SLC27A5: variants seen among roughly 807,000 people sequenced by gnomAD.
The protein encoded by SLC27A5 is solute carrier family 27 member 5.
A neutral mutation model predicts 63.1 loss-of-function variants in SLC27A5; 47 were observed. The observed-to-expected ratio is 0.74, with a 90% CI of 0.59 to 0.95. The LOEUF is 0.95. SLC27A5 is among the 40% of genes least tolerant of loss of function. SLC27A5 has a pLI of 0.00. For synonymous variants in SLC27A5, 391 were observed against 403.8 expected (o/e 0.97, Z 0.38); for missense variants, 940 against 921.0 (o/e 1.02, Z -0.27).
chr19:58,501,624 C>T lies in SLC27A5; in HGVS notation c.1058-214G>A, dbSNP rs1317920. Reference sequence around the variant, plus strand: ...TGTCTCCAGGATGCCGGGAAAGCTCCGTGCCTGTTATAAAGTGAGCAATGC... The same window carrying T: ...TGTCTCCAGGATGCCGGGAAAGCTCTGTGCCTGTTATAAAGTGAGCAATGC... On this transcript the variant is annotated intron_variant, in intron 3 of 9. Transcript: ENST00000263093. Among the ~76,000 whole-genome samples the T allele has an allele frequency of 2.0e-3, 301 of 152,260 alleles. 2 individuals are homozygous for T. The highest frequency in any genetic ancestry group is 9.4e-3 in the East Asian group (49 of 5,190).
chr19:58,500,504 A>C lies in SLC27A5; in HGVS notation c.1377+8T>G. On this transcript the variant is annotated splice_region_variant and intron_variant, in intron 5 of 9. Coordinates refer to ENST00000263093, the MANE Select transcript of SLC27A5 (RefSeq NM_012254.3). ...GGGCAGCTGCACACCAGGTACCCGC[A>C]CACTCACTCGGAGGAGGCAGCTCAT... 12 of 1,613,846 alleles carry C rather than the reference A, an allele frequency of 7.4e-6. No individual in the cohort carries two copies. Among genetic ancestry groups the C allele is most frequent in the Non-Finnish European group, 8.5e-6 (10 of 1,179,928 alleles).
chr19:58,499,057 A>G, intron 8 of SLC27A5, 66 bp downstream of exon 8: 1 of 1,606,352 alleles, frequency 6.2e-7, no homozygotes, highest in Non-Finnish European at 8.5e-7. Flanking sequence ...CCCCACCTGT[A>G]AAATCAGAAT....
intron 3 of SLC27A5, among the ~76,000 whole-genome samples, chr19:58,502,344 T>A (rs28720103): frequency 1.4e-5 from 2 of 139,214 alleles, no homozygotes; most frequent in Non-Finnish European, 3.1e-5. Context: ...AGTGAGTGAG[T>A]GGATGGATGG....
Position 58,510,784 on chromosome 19 carries a change from C to A in SLC27A5, c.835G>T (p.Asp279Tyr). 1 of 1,613,654 alleles carries A rather than the reference C, an allele frequency of 6.2e-7. No homozygotes were observed. Among genetic ancestry groups the A allele is most frequent in the Non-Finnish European group, 8.5e-7 (1 of 1,179,894 alleles). ...DAAPSHPVPADLRAGITWRSP... is the reference protein window; with the variant it reads ...DAAPSHPVPAYLRAGITWRSP... ...CTCCATGTGATCCCAGCACGCAGGT[C>A]AGCAGGCACTGGGTGGGAGGGCGCT... Residue 279 changes from aspartate to tyrosine, a missense_variant, in exon 2 of 10, where the codon GAC (aspartate) becomes TAC (tyrosine). Transcript: ENST00000263093.
At chr19:58,500,843 G>A (rs947538027) in intron 4 of SLC27A5, 137 bp from the exon 5 acceptor site, 18 of 1,453,112 alleles carry the variant, frequency 1.2e-5, no homozygotes, top group Non-Finnish European at 1.8e-6. Flanking sequence ...CTACCTAAGG[G>A]ATCTACCTGG....
chr19:58,500,889 T>C (rs1292495407), intron 4 of SLC27A5, 183 bp from the exon 5 acceptor site: 7 of 1,419,490 alleles, frequency 4.9e-6, no homozygotes, highest in African/African-American at 2.9e-5. Flanking sequence ...GAGTCTTAAA[T>C]AGAGGGTTAC....
intron 3 of SLC27A5, among the ~76,000 whole-genome samples, chr19:58,502,354 G>T (rs1381571427): frequency 6.7e-6 from 1 of 149,142 alleles, no homozygotes; most frequent in Admixed American, 6.6e-5. Context: ...TGGATGGATG[G>T]GTGGACAGTT....
rs1302766097 is a variant in SLC27A5 at position 58,511,698 on chromosome 19, C to G, written c.258G>C (p.Trp86Cys). 6.4e-7 allele frequency: 1 copy of G among 1,565,280 alleles called. No individual in the cohort carries two copies. The highest frequency in any genetic ancestry group is 1.4e-5 in the African/African-American group (1 of 73,746). Residue 86 changes from tryptophan (W) to cysteine (C), a missense_variant, in exon 1 of 10, where the codon TGG becomes TGC. Trp to Cys is a radical substitution (Grantham distance 215). Coordinates refer to ENST00000263093, the MANE Select transcript of SLC27A5 (RefSeq NM_012254.3). Reference sequence around the variant, plus strand: ...CCAAGAAGATCACATCAGCCGGCAGCCAGCGTAGTCCTGGGGGCAGCCGTG... The same window carrying G: ...CCAAGAAGATCACATCAGCCGGCAGGCAGCGTAGTCCTGGGGGCAGCCGTG... ...LPARLPPGLR[W>C]LPADVIFLAK... is the part of the protein sequence containing the mutation.
rs373440269 is a variant in SLC27A5 at position 58,511,359 on chromosome 19, G to A, written c.597C>T (p.Cys199=). 6.2e-7 allele frequency: 1 copy of A among 1,606,024 alleles called. No individual in the cohort carries two copies. ...CMWLGLAKLG[C]PTAWINPHGR... ...CATGCGGGTTGATCCAGGCTGTTGG[G>A]CAGCCCAGCTTGGCCAGCCCCAGCC... is the stretch of plus-strand genomic sequence containing the variant. Residue 199 remains cysteine, a synonymous_variant, in exon 1 of 10, where the codon TGC becomes TGT. Transcript: ENST00000263093.
chr19:58,499,402 A>G, intron 7 of SLC27A5, 90 bp downstream of exon 7: 1 of 1,449,938 alleles, frequency 6.9e-7, no homozygotes, highest in South Asian at 1.2e-5. Context: ...TACGACAGGA[A>G]AGTCCCGCCT....
chr19:58,511,441 C>A lies in SLC27A5; in HGVS notation c.515G>T (p.Gly172Val). The part of the protein sequence containing the change: ...ELGDPASLCA[G>V]EPTALLVLAS... ...CAGCACAAGGAGGGCAGTAGGCTCC[C>A]CGGCACACAGGCTCGCAGGGTCACC... Residue 172 changes from glycine to valine, a missense_variant, in exon 1 of 10, where the codon GGG (glycine) becomes GTG (valine). By Grantham distance (109) the Gly-to-Val change is moderately radical. Coordinates refer to ENST00000263093, the MANE Select transcript of SLC27A5 (RefSeq NM_012254.3). 1 of 1,601,712 alleles carries A rather than the reference C, an allele frequency of 6.2e-7. No homozygotes were observed. Among genetic ancestry groups the A allele is most frequent in the East Asian group, 2.3e-5 (1 of 44,330 alleles).
Position 58,498,908 on chromosome 19 carries a change from C to G in SLC27A5, c.1773G>C (p.Glu591Asp), listed in dbSNP as rs762260723. 5 of 1,612,360 alleles carry G rather than the reference C, an allele frequency of 3.1e-6. No individual in the cohort carries two copies. Among genetic ancestry groups the G allele is most frequent in the South Asian group, 1.1e-5 (1 of 90,998 alleles). ...GCACAGCAGCCATGCCCACCTTACC[C>G]TCACAACCTAGAGAGCAGTCTGGTC... ...NVYGVCVPGC[E>D]GKVGMAAVQL... Residue 591 changes from glutamate (E) to aspartate (D), a missense_variant, in exon 9 of 10, where the codon GAG becomes GAC. Physicochemically the swap from Glu to Asp is conservative, Grantham distance 45. Transcript: ENST00000263093.
chr19:58,504,599 C>T lies in SLC27A5; in HGVS notation c.1058-3189G>A, dbSNP rs375161207. Among the ~76,000 whole-genome samples, 967 of 101,318 alleles carry T rather than the reference C, an allele frequency of 9.5e-3. 45 individuals are homozygous for T. The highest frequency in any genetic ancestry group is 0.045 in the African/African-American group (925 of 20,580). The allele number at this position is 101,318 out of a possible 152,430, so 66.5% of individuals were successfully genotyped here. A position where few individuals can be genotyped will look rare whatever the true frequency, so the allele number is the denominator to read the frequency against. ...GGGGGGGGGGGGGGGGCGGGCGGGGCGGAGCTTGCGGTGACCCAAGATGGT... is the reference window on the plus strand; with the variant it reads ...GGGGGGGGGGGGGGGGCGGGCGGGGTGGAGCTTGCGGTGACCCAAGATGGT... On this transcript the variant is annotated intron_variant, in intron 3 of 9. Transcript: ENST00000263093.
At chr19:58,499,449 G>C in intron 7 of SLC27A5, 43 bp downstream of exon 7, 1 of 1,599,068 alleles carries the variant, frequency 6.3e-7, no homozygotes, top group South Asian at 1.1e-5. Flanking sequence ...GAAAGCGTCC[G>C]TGGCCCCGCG....
rs1193313352 is a variant in SLC27A5 at position 58,498,534 on chromosome 19, TCACA to T, written c.2050_2053del (p.Cys684ArgfsTer15). 1 of 1,612,820 alleles carries T rather than the reference TCACA, an allele frequency of 6.2e-7. No homozygotes were observed. Among genetic ancestry groups the T allele is most frequent in the Admixed American group, 1.7e-5 (1 of 59,922 alleles). On this transcript the variant is annotated frameshift_variant, in exon 10 of 10. Coordinates refer to ENST00000263093, the MANE Select transcript of SLC27A5 (RefSeq NM_012254.3). LOFTEE classifies it high-confidence loss of function. The stretch of plus-strand genomic sequence containing the variant: ...AGGTGATCAGAGCCTCCAGGTTCCC[TCACA>T]CACAGCCTGGTACATTTCTGCCGTC...
intron 3 of SLC27A5, among the ~76,000 whole-genome samples, chr19:58,505,693 A>C (rs913811297): frequency 6.6e-6 from 1 of 151,386 alleles, no homozygotes; most frequent in Non-Finnish European, 1.5e-5. Context: ...AAAACATAAA[A>C]AAAAATTAGC....
chr19:58,500,665 G>C lies in SLC27A5; in HGVS notation c.1224C>G (p.Gly408=), dbSNP rs761248851. The C allele has an allele frequency of 6.2e-7, 1 of 1,614,096 alleles. No homozygotes were observed. Residue 408 remains glycine (G), a synonymous_variant, in exon 5 of 10, where the codon GGC becomes GGG. Coordinates refer to ENST00000263093, the MANE Select transcript of SLC27A5 (RefSeq NM_012254.3). ...DRTHTVRLAM[G]NGLRADVWET... The stretch of plus-strand genomic sequence containing the variant: ...CCCACACATCAGCCCGTAGTCCATT[G>C]CCCATTGCCAGGCGGACTGTATGTG...
chr19:58,505,010 A>T (rs1258775348), intron 3 of SLC27A5, among the ~76,000 whole-genome samples: 3 of 143,956 alleles, frequency 2.1e-5, no homozygotes, highest in Admixed American at 6.9e-5. Context: ...CATCTCAAAG[A>T]AAAAAAAAAA....
intron 8 of SLC27A5, 85 bp from the exon 9 acceptor site, chr19:58,499,000 G>T: frequency 6.3e-7 from 1 of 1,589,466 alleles, no homozygotes; most frequent in South Asian, 1.1e-5. Context: ...CTGCTCACTG[G>T]CTGTGAGAGC....
Sources: allele counts gnomAD v4.1 joint callset (sites outside exome capture counted in the v4.1 genomes callset), GRCh38; gene constraint gnomAD v4.1.1; transcripts MANE v1.5; gene names NCBI Gene and HGNC (gene_info 2026-07-23, HGNC 2026-07-21).